Variants in NAALADL2 observed in about 807,000 individuals in gnomAD.
The protein encoded by NAALADL2 is inactive N-acetylated-alpha-linked acidic dipeptidase-like protein 2.
In NAALADL2, 76 loss-of-function variants were observed where a neutral mutation model predicts 87.2. The ratio of observed to expected loss-of-function variants is 0.87; its 90% confidence interval spans 0.72 to 1.05. The LOEUF is 1.05. Ranked by LOEUF, NAALADL2 falls within the 50% of genes least tolerant of loss-of-function variation. The pLI is 0.00. For missense variants in NAALADL2, 1,089 were observed against 945.8 expected (o/e 1.15, Z -1.99); for synonymous variants, 354 against 331.0 (o/e 1.07, Z -0.75).
chr3:174,900,197 T>G (rs879639052), intron 1 of NAALADL2, among the ~76,000 whole-genome samples: 4 of 152,092 alleles, frequency 2.6e-5, no homozygotes, highest in Non-Finnish European at 4.4e-5. Flanking sequence ...GTTAGAATTT[T>G]ATAAACTATC....
At chr3:175,799,783 A>G (rs1352747417) in intron 13 of NAALADL2, among the ~76,000 whole-genome samples, 1 of 152,204 alleles carries the variant, frequency 6.6e-6, no homozygotes, top group Non-Finnish European at 1.5e-5. Flanking sequence ...TTCTCTGTAT[A>G]AAAATACATG....
At chr3:174,786,612 C>A (rs1560224505) in intron 3 of NAALADL2, among the ~76,000 whole-genome samples, 1 of 149,338 alleles carries the variant, frequency 6.7e-6, no homozygotes, top group African/African-American at 2.4e-5. Flanking sequence ...TTTTGTTTAT[C>A]TTTTTTTGTC....
chr3:174,502,467 T>G (rs2108371771), intron 1 of NAALADL2, among the ~76,000 whole-genome samples: 1 of 152,330 alleles, frequency 6.6e-6, no homozygotes, highest in South Asian at 2.1e-4. Flanking sequence ...TGCAATGGCC[T>G]AATAAATACT....
At chr3:175,334,142 CG>C (rs2110519013) in intron 5 of NAALADL2, among the ~76,000 whole-genome samples, 1 of 152,008 alleles carries the variant, frequency 6.6e-6, no homozygotes, top group Admixed American at 6.6e-5. Flanking sequence ...AGATCCTTTT[CG>C]TAGAAAAAGA....
At chr3:175,160,360 C>CTTTTTTTTTTCTTTTTT (rs1732977768) in intron 2 of NAALADL2, among the ~76,000 whole-genome samples, 1 of 57,036 alleles carries the variant, frequency 1.8e-5, no homozygotes, top group African/African-American at 5.4e-5. Context: ...TCTTTTCTTT[C>CTTTTTTTTTTCTTTTTT]TTTTTTTTTT....
At chr3:174,861,936 A>G (rs1726558822) in intron 1 of NAALADL2, among the ~76,000 whole-genome samples, 1 of 151,884 alleles carries the variant, frequency 6.6e-6, no homozygotes, top group African/African-American at 2.4e-5. Flanking sequence ...AGTTATTCCA[A>G]GGTTATCTTG....
intron 13 of NAALADL2, among the ~76,000 whole-genome samples, chr3:175,798,587 T>G (rs1187621478): frequency 1.3e-5 from 2 of 152,062 alleles, no homozygotes; most frequent in Non-Finnish European, 2.9e-5. Context: ...GAGAAGCAAG[T>G]GTTGGCATAC....
intron 3 of NAALADL2, among the ~76,000 whole-genome samples, chr3:174,834,413 T>A (rs1723094422): frequency 6.6e-6 from 1 of 150,604 alleles, no homozygotes; most frequent in African/African-American, 2.5e-5. Flanking sequence ...ATGTCTACTC[T>A]CTCAATTTCT....
intron 3 of NAALADL2, among the ~76,000 whole-genome samples, chr3:174,853,966 T>C (rs1182335337): frequency 6.6e-6 from 1 of 152,108 alleles, no homozygotes; most frequent in Admixed American, 6.6e-5. Flanking sequence ...TGGAAAACAG[T>C]ATGGAAGTTC....
At chr3:174,969,283 C>T (rs1234750796) in intron 1 of NAALADL2, among the ~76,000 whole-genome samples, 4 of 152,138 alleles carry the variant, frequency 2.6e-5, no homozygotes, top group African/African-American at 9.7e-5. Flanking sequence ...TTTCTGATCT[C>T]CTAGATTAGC....
At chr3:175,631,783 C>T (rs900491029) in intron 11 of NAALADL2, among the ~76,000 whole-genome samples, 1 of 151,844 alleles carries the variant, frequency 6.6e-6, no homozygotes, top group Non-Finnish European at 1.5e-5. Flanking sequence ...TTAAAAATGG[C>T]CATGTATTCA....
At chr3:175,175,385 G>A (rs1248157496) in intron 2 of NAALADL2, among the ~76,000 whole-genome samples, 1 of 151,836 alleles carries the variant, frequency 6.6e-6, no homozygotes, top group African/African-American at 2.4e-5. Flanking sequence ...CTTTTTTGTG[G>A]CCCCATGTAG....
intron 1 of NAALADL2, among the ~76,000 whole-genome samples, chr3:174,889,855 C>A (rs1400722219): frequency 1.3e-5 from 2 of 152,176 alleles, no homozygotes. Context: ...AGACAGTCTT[C>A]TTAATGCTAA....
intron 1 of NAALADL2, among the ~76,000 whole-genome samples, chr3:174,973,023 A>G (rs1452306125): frequency 1.3e-5 from 2 of 150,792 alleles, no homozygotes; most frequent in African/African-American, 4.9e-5. Context: ...AATCCCACTT[A>G]ATTTAAACTG....
chr3:174,928,799 C>G lies in NAALADL2; in HGVS notation c.43+69349C>G, dbSNP rs7648219. Among the ~76,000 whole-genome samples, 765 of 152,182 alleles carry G rather than the reference C, an allele frequency of 5.0e-3. 7 individuals carry two copies. The highest frequency in any genetic ancestry group is 0.018 in the African/African-American group (737 of 41,514). On this transcript the variant is annotated intron_variant, in intron 1 of 13. Transcript: ENST00000454872. ...GTAGTTGTGGGAAAAGTGTGTATTT[C>G]ATTGGTGAATGCAATAGTTTGGAAT...
intron 5 of NAALADL2, among the ~76,000 whole-genome samples, chr3:175,365,045 C>T (rs1465108587): frequency 6.8e-6 from 1 of 147,602 alleles, no homozygotes; most frequent in Non-Finnish European, 1.5e-5. Context: ...TCATATAGCA[C>T]AGCTTTCCAT....
intron 1 of NAALADL2, among the ~76,000 whole-genome samples, chr3:174,481,205 AG>A (rs1239851324): frequency 6.6e-5 from 10 of 152,096 alleles, no homozygotes; most frequent in Non-Finnish European, 1.3e-4. Flanking sequence ...TCAGGAGTAG[AG>A]GAGTGCAATA....
chr3:174,849,259 CTCTA>C (rs142754640), intron 3 of NAALADL2, among the ~76,000 whole-genome samples: 1,755 of 152,184 alleles, frequency 0.012, 37 homozygotes, highest in African/African-American at 0.041. Flanking sequence ...TCTTAATTGA[CTCTA>C]TCTTTTATAC....
At chr3:174,646,759 A>G (rs1382583355) in intron 2 of NAALADL2, among the ~76,000 whole-genome samples, 2 of 152,188 alleles carry the variant, frequency 1.3e-5, no homozygotes, top group South Asian at 2.1e-4. Flanking sequence ...TATTTTATAG[A>G]TGAGCTGGGA....
Sources: allele counts gnomAD v4.1 joint callset (sites outside exome capture counted in the v4.1 genomes callset), GRCh38; gene constraint gnomAD v4.1.1; transcripts MANE v1.5; gene names NCBI Gene and HGNC (gene_info 2026-07-23, HGNC 2026-07-21).